ST6GALNAC5: variants seen among roughly 807,000 people sequenced by gnomAD.
ST6GALNAC5 encodes the protein ST6 N-acetylgalactosaminide alpha-2,6-sialyltransferase 5.
In ST6GALNAC5, 27 loss-of-function variants were observed where a neutral mutation model predicts 33.6. The ratio of observed to expected loss-of-function variants is 0.80; its 90% CI spans 0.59 to 1.11. ST6GALNAC5 has a LOEUF of 1.11. ST6GALNAC5 is among the 50% of genes least tolerant of loss of function. The pLI, the probability that ST6GALNAC5 is intolerant of heterozygous loss-of-function variation, is 0.00. For synonymous variants in ST6GALNAC5, 194 were observed against 171.2 expected (o/e 1.13, Z -1.04); for missense variants, 428 against 454.0 (o/e 0.94, Z 0.52).
chr1:76,985,731 G>A (rs893498783), intron 2 of ST6GALNAC5, among the ~76,000 whole-genome samples: 1 of 152,120 alleles, frequency 6.6e-6, no homozygotes, highest in African/African-American at 2.4e-5. Flanking sequence ...AAAGCTGGAG[G>A]CATCATGCTA....
At chr1:77,024,437 T>C (rs1651159727) in intron 2 of ST6GALNAC5, among the ~76,000 whole-genome samples, 2 of 152,182 alleles carry the variant, frequency 1.3e-5, no homozygotes, top group Admixed American at 6.5e-5. Flanking sequence ...CTCAGAATCT[T>C]GCTACTGGTA....
At chr1:77,035,425 G>C (rs1189094728) in intron 2 of ST6GALNAC5, among the ~76,000 whole-genome samples, 1 of 152,076 alleles carries the variant, frequency 6.6e-6, no homozygotes, top group African/African-American at 2.4e-5. Context: ...AGAGAGAGGG[G>C]CCATTTAAAC....
At chr1:76,914,446 C>T (rs1646947511) in intron 2 of ST6GALNAC5, among the ~76,000 whole-genome samples, 1 of 152,176 alleles carries the variant, frequency 6.6e-6, no homozygotes, top group Non-Finnish European at 1.5e-5. Flanking sequence ...AACTCTACTA[C>T]AAGGCTACAG....
chr1:77,032,400 G>A (rs1651491308), intron 2 of ST6GALNAC5, among the ~76,000 whole-genome samples: 2 of 152,244 alleles, frequency 1.3e-5, no homozygotes, highest in South Asian at 4.2e-4. Flanking sequence ...ATAGTGAGTT[G>A]AACCAGGGGT....
intron 2 of ST6GALNAC5, among the ~76,000 whole-genome samples, chr1:76,963,378 T>C (rs1648326327): frequency 6.6e-6 from 1 of 152,184 alleles, no homozygotes; most frequent in South Asian, 2.1e-4. Flanking sequence ...GCAGATACAG[T>C]TCTGCCTGCA....
At chr1:76,989,367 G>A (rs1018809135) in intron 2 of ST6GALNAC5, among the ~76,000 whole-genome samples, 24 of 150,994 alleles carry the variant, frequency 1.6e-4, no homozygotes, top group Admixed American at 1.4e-3. Context: ...TACTTTCCCT[G>A]AATTATTCCA....
At chr1:77,024,899 C>T (rs1048823698) in intron 2 of ST6GALNAC5, among the ~76,000 whole-genome samples, 2 of 152,206 alleles carry the variant, frequency 1.3e-5, no homozygotes, top group African/African-American at 4.8e-5. Flanking sequence ...ACTCCATCTG[C>T]TGTGACCCAC....
At chr1:76,882,875 C>A (rs1041644851) in intron 2 of ST6GALNAC5, among the ~76,000 whole-genome samples, 1 of 152,118 alleles carries the variant, frequency 6.6e-6, no homozygotes, top group African/African-American at 2.4e-5. Flanking sequence ...TTCTCCAACC[C>A]TACCCCCACC....
intron 2 of ST6GALNAC5, among the ~76,000 whole-genome samples, chr1:77,027,389 A>G (rs1428796852): frequency 2.6e-5 from 4 of 152,162 alleles, no homozygotes; most frequent in African/African-American, 9.7e-5. Context: ...CCATTTATTG[A>G]GCGTTTACTG....
At chr1:76,953,124 A>G (rs1553168247) in intron 2 of ST6GALNAC5, among the ~76,000 whole-genome samples, 3 of 152,110 alleles carry the variant, frequency 2.0e-5, no homozygotes, top group Non-Finnish European at 4.4e-5. Flanking sequence ...CTTTGCTGTT[A>G]TGGATAGAGC....
chr1:76,965,647 A>G (rs1251147652), intron 2 of ST6GALNAC5, among the ~76,000 whole-genome samples: 1 of 152,074 alleles, frequency 6.6e-6, no homozygotes, highest in Non-Finnish European at 1.5e-5. Flanking sequence ...TTTTGTTGCC[A>G]TTGCTTTTGA....
At chr1:76,872,068 A>AACACACACACAC (rs66721550) in intron 2 of ST6GALNAC5, among the ~76,000 whole-genome samples, 78 of 130,290 alleles carry the variant, frequency 6.0e-4, no homozygotes, top group African/African-American at 2.1e-3. Flanking sequence ...TAACCAAGCT[A>AACACACACACAC]ACACACACAC....
At chr1:76,976,158 T>C (rs1183006150) in intron 2 of ST6GALNAC5, among the ~76,000 whole-genome samples, 1 of 152,038 alleles carries the variant, frequency 6.6e-6, no homozygotes, top group Non-Finnish European at 1.5e-5. Flanking sequence ...CAGAAAGTGA[T>C]TGGGCAAATG....
intron 2 of ST6GALNAC5, among the ~76,000 whole-genome samples, chr1:77,042,019 C>A (rs1486680136): frequency 6.6e-6 from 1 of 152,198 alleles, no homozygotes; most frequent in Non-Finnish European, 1.5e-5. Context: ...TTTGTCTCTG[C>A]AGTCAGGTTT....
intron 4 of ST6GALNAC5, among the ~76,000 whole-genome samples, chr1:77,057,769 A>G (rs762227273): frequency 6.6e-6 from 1 of 152,194 alleles, no homozygotes; most frequent in Non-Finnish European, 1.5e-5. Flanking sequence ...CTCAAATGCC[A>G]AGGTACCATA....
At chr1:77,016,857 C>A (rs1364983470) in intron 2 of ST6GALNAC5, among the ~76,000 whole-genome samples, 1 of 152,118 alleles carries the variant, frequency 6.6e-6, no homozygotes, top group Non-Finnish European at 1.5e-5. Context: ...TCAATCTTCC[C>A]TTTTTAATTG....
chr1:76,907,246 G>T (rs867708057), intron 2 of ST6GALNAC5, among the ~76,000 whole-genome samples: 1 of 151,894 alleles, frequency 6.6e-6, no homozygotes, highest in South Asian at 2.1e-4. Context: ...TTCTTAGGAT[G>T]AACTCCTCAA....
At chr1:77,032,923 A>T (rs1416887553) in intron 2 of ST6GALNAC5, among the ~76,000 whole-genome samples, 2 of 152,224 alleles carry the variant, frequency 1.3e-5, no homozygotes, top group African/African-American at 4.8e-5. Context: ...TTCAAACAGC[A>T]GAGGCCAGAG....
At chr1:76,950,790 A>G (rs1020376572) in intron 2 of ST6GALNAC5, among the ~76,000 whole-genome samples, 1 of 152,180 alleles carries the variant, frequency 6.6e-6, no homozygotes, top group Admixed American at 6.6e-5. Flanking sequence ...ATGAAAAGCC[A>G]GAATGGGCCA....
Sources: gnomAD v4.1 joint callset for allele counts (sites outside exome capture counted in the v4.1 genomes callset) on GRCh38, gnomAD v4.1.1 for gene constraint, MANE v1.5 for transcripts, NCBI Gene and HGNC (gene_info 2026-07-23, HGNC 2026-07-21) for gene names.